The following RFX3 variants were observed in gnomAD, a reference collection of about 807,000 sequenced individuals.
RFX3 encodes the protein regulatory factor X3, also known as transcription factor RFX3.
RFX3 carries 14 observed loss-of-function variants against 98.6 expected under a neutral mutation model. That is an observed-to-expected ratio of 0.14 (90% CI 0.09 to 0.22). The LOEUF (loss-of-function observed/expected upper bound fraction) is 0.22. RFX3 is among the 10% of genes least tolerant of loss of function. RFX3 has a pLI of 1.00. For synonymous variants in RFX3, 383 were observed against 328.4 expected, an observed-to-expected ratio of 1.17 and a Z score of -1.80; for missense variants, 639 against 926.9, an observed-to-expected ratio of 0.69 and a Z score of 4.03.
chr9:3,414,664 G>GTATATATATGAGTA lies in RFX3; in HGVS notation c.-8-19069_-8-19068insTACTCATATATATA, dbSNP rs201733556. On this transcript the variant is annotated intron_variant, in intron 1 of 16. Coordinates refer to ENST00000617270, the MANE Select transcript of RFX3 (RefSeq NM_001282116.2). ...TATGAGTATATATATGTATATATGAGTATATATGTATATATGAGTATATAT... is the reference window on the plus strand; with the variant it reads ...TATGAGTATATATATGTATATATGAGTATATATATGAGTATATATATGTATATATGAGTATATAT... 5.1e-3 allele frequency among the ~76,000 whole-genome samples: 685 copies of GTATATATATGAGTA among 133,672 alleles called. 4 individuals carry two copies. The highest frequency in any genetic ancestry group is 0.016 in the African/African-American group (537 of 32,712). The allele number at this position is 133,672 out of a possible 152,430, so 87.7% of individuals were successfully genotyped here. A position where few individuals can be genotyped will look rare whatever the true frequency, so the allele number is the denominator to read the frequency against.
At chr9:3,427,152 G>T (rs1844128717) in intron 1 of RFX3, among the ~76,000 whole-genome samples, 1 of 148,054 alleles carries the variant, frequency 6.8e-6, no homozygotes, top group African/African-American at 2.5e-5. Context: ...TTTGACTATT[G>T]GTCATACTTT....
intron 1 of RFX3, among the ~76,000 whole-genome samples, chr9:3,524,295 G>C (rs1242307329): frequency 6.6e-6 from 1 of 151,846 alleles, no homozygotes; most frequent in African/African-American, 2.4e-5. Flanking sequence ...ACTATATAAG[G>C]ACTAATAAGT....
intron 1 of RFX3, chr9:3,469,067 A>G (rs1037911031): frequency 1.3e-5 from 5 of 376,000 alleles, no homozygotes; most frequent in Non-Finnish European, 2.7e-5. Flanking sequence ...AATTCATTAA[A>G]AAAACATTCA....
chr9:3,455,483 C>T (rs1389194175), intron 1 of RFX3, among the ~76,000 whole-genome samples: 1 of 152,172 alleles, frequency 6.6e-6, no homozygotes, highest in Non-Finnish European at 1.5e-5. Flanking sequence ...TACATTTACT[C>T]ATGTAATTAC....
At chr9:3,381,544 T>A (rs117247280) in intron 2 of RFX3, among the ~76,000 whole-genome samples, 1 of 152,150 alleles carries the variant, frequency 6.6e-6, no homozygotes, top group Non-Finnish European at 1.5e-5. Flanking sequence ...AATGATGAGA[T>A]AGAAAGTTAA....
At chr9:3,487,556 C>T (rs748774686) in intron 1 of RFX3, among the ~76,000 whole-genome samples, 1 of 152,014 alleles carries the variant, frequency 6.6e-6, no homozygotes, top group Non-Finnish European at 1.5e-5. Context: ...TTAGAAAAAG[C>T]AGCATATAAC....
Position 3,220,617 on chromosome 9 carries a change from G to A in RFX3, c.*4425C>T, listed in dbSNP as rs1451676660. On this transcript the variant is annotated 3_prime_UTR_variant, in exon 17 of 17. Coordinates refer to ENST00000617270, the MANE Select transcript of RFX3 (RefSeq NM_001282116.2). Reference sequence around the variant, plus strand: ...TATATAAAATGCAAGTGTTCGGCGTGGAAACACTTTCTCTTCCTACCCCCC... The same window carrying A: ...TATATAAAATGCAAGTGTTCGGCGTAGAAACACTTTCTCTTCCTACCCCCC... 5 of 141,414 alleles carry A rather than the reference G, an allele frequency of 3.5e-5. No homozygotes were observed. In the East Asian group the frequency reaches 8.2e-4, roughly 23 times the overall value. 8.8% of individuals were successfully genotyped at this position (141,414 alleles called of 1,614,324 possible).
At chr9:3,226,971 G>T (rs1486482649) in intron 16 of RFX3, among the ~76,000 whole-genome samples, 24 of 152,098 alleles carry the variant, frequency 1.6e-4, no homozygotes, top group Admixed American at 9.8e-4. Flanking sequence ...TTTTGTGGGA[G>T]AAGCCCTCAA....
At chr9:3,430,990 T>A (rs562362379) in intron 1 of RFX3, among the ~76,000 whole-genome samples, 2 of 152,300 alleles carry the variant, frequency 1.3e-5, no homozygotes, top group South Asian at 4.1e-4. Flanking sequence ...ACGGTACCAT[T>A]TGCAGTCAAG....
At chr9:3,344,494 T>C (rs973245526) in intron 3 of RFX3, among the ~76,000 whole-genome samples, 1 of 152,182 alleles carries the variant, frequency 6.6e-6, no homozygotes, top group African/African-American at 2.4e-5. Context: ...AACTGGTACT[T>C]CATTTCATAC....
At chr9:3,390,944 G>T (rs369123043) in intron 2 of RFX3, among the ~76,000 whole-genome samples, 1 of 152,022 alleles carries the variant, frequency 6.6e-6, no homozygotes, top group Non-Finnish European at 1.5e-5. Context: ...GGCAAAAACC[G>T]CAATTACTTT....
chr9:3,516,324 A>G (rs932619635), intron 1 of RFX3, among the ~76,000 whole-genome samples: 11 of 152,224 alleles, frequency 7.2e-5, no homozygotes, highest in African/African-American at 2.4e-4. Flanking sequence ...CTGGGATTAC[A>G]GGCATGAGCC....
At chr9:3,303,994 G>A (rs1645708112) in intron 4 of RFX3, among the ~76,000 whole-genome samples, 1 of 152,018 alleles carries the variant, frequency 6.6e-6, no homozygotes, top group South Asian at 2.1e-4. Context: ...CCGGGGAATG[G>A]AAAGGAAGAA....
chr9:3,368,840 TCTTAGTATAACTAG>T (rs1353918745), intron 2 of RFX3, among the ~76,000 whole-genome samples: 1 of 152,246 alleles, frequency 6.6e-6, no homozygotes, highest in African/African-American at 2.4e-5. Context: ...TCCACTTACA[TCTTAGTATAACTAG>T]CTTCCTTGCA....
chr9:3,452,133 G>A (rs183023613), intron 1 of RFX3, among the ~76,000 whole-genome samples: 2 of 150,566 alleles, frequency 1.3e-5, no homozygotes, highest in East Asian at 3.9e-4. Context: ...CTATGGGGAT[G>A]GTGGGTAATG....
Position 3,323,496 on chromosome 9 carries a change from C to T in RFX3, c.474+6763G>A, listed in dbSNP as rs564738904. On this transcript the variant is annotated intron_variant, in intron 4 of 16. Transcript: ENST00000617270. ...TGTTAGTTTCAAACAAGTAACTTAA[C>T]GTGAAACTTGACTTGTAAATCTAAG... 7.9e-5 allele frequency among the ~76,000 whole-genome samples: 12 copies of T among 152,068 alleles called. No homozygotes were observed. In the South Asian group the frequency reaches 1.0e-3, roughly 13 times the overall value.
At chr9:3,342,405 G>C (rs1044463859) in intron 3 of RFX3, among the ~76,000 whole-genome samples, 3 of 152,160 alleles carry the variant, frequency 2.0e-5, no homozygotes, top group Non-Finnish European at 4.4e-5. Context: ...CTGGAGTTGA[G>C]AAATCTATAA....
chr9:3,464,566 T>C (rs906385103), intron 1 of RFX3, among the ~76,000 whole-genome samples: 8 of 152,088 alleles, frequency 5.3e-5, no homozygotes, highest in Non-Finnish European at 8.8e-5. Context: ...AACAGCAAAA[T>C]TGTAGTACTA....
At chr9:3,500,713 AC>A (rs1815911059) in intron 1 of RFX3, among the ~76,000 whole-genome samples, 1 of 152,178 alleles carries the variant, frequency 6.6e-6, no homozygotes, top group Non-Finnish European at 1.5e-5. Context: ...ATTCAAACAC[AC>A]GCACTACACA....
Sources: gnomAD v4.1 joint callset for allele counts (sites outside exome capture counted in the v4.1 genomes callset) on GRCh38, gnomAD v4.1.1 for gene constraint, MANE v1.5 for transcripts, NCBI Gene and HGNC (gene_info 2026-07-23, HGNC 2026-07-21) for gene names.